PSTK: variants seen among roughly 807,000 people sequenced by gnomAD.
The protein encoded by PSTK is phosphoseryl-tRNA kinase, also known as L-seryl-tRNA(Sec) kinase.
Under a neutral mutation model 38.6 loss-of-function variants are expected in PSTK, and 26 were observed. That is an observed-to-expected ratio of 0.67 (90% CI 0.49 to 0.94). The LOEUF (loss-of-function observed/expected upper bound fraction) is 0.94, where lower values mean the gene tolerates loss of function less well. Ranked by LOEUF, PSTK falls within the 40% of genes least tolerant of loss-of-function variation. The pLI is 0.00. For missense variants in PSTK, 445 were observed against 436.3 expected, an observed-to-expected ratio of 1.02 and a Z score of -0.18; for synonymous variants, 181 against 161.7, an observed-to-expected ratio of 1.12 and a Z score of -0.91.
At chr10:122,981,176 ATAAG>A (rs1178113399) in intron 1 of PSTK, among the ~76,000 whole-genome samples, 1 of 152,230 alleles carries the variant, frequency 6.6e-6, no homozygotes, top group Non-Finnish European at 1.5e-5. Flanking sequence ...AATAAAAACT[ATAAG>A]TAACAAAATT....
At chr10:122,981,592 G>A (rs1269312804) in intron 1 of PSTK, among the ~76,000 whole-genome samples, 1 of 152,140 alleles carries the variant, frequency 6.6e-6, no homozygotes, top group Non-Finnish European at 1.5e-5. Context: ...GAAATCAAAT[G>A]CAAATGTTAT....
At chr10:122,986,398 A>C (rs756393290) in intron 4 of PSTK, 23 bp downstream of exon 4, 64 of 1,523,356 alleles carry the variant, frequency 4.2e-5, no homozygotes, top group Non-Finnish European at 5.2e-5. Context: ...TGTAAATTTA[A>C]TGTAAATGAG....
chr10:122,987,407 G>T, intron 5 of PSTK: 1 of 1,614,182 alleles, frequency 6.2e-7, no homozygotes, highest in Non-Finnish European at 8.5e-7. Context: ...CTATCTGGAG[G>T]ATCATTCTAG....
At position 122,986,950 on chromosome 10, in the gene PSTK, A is replaced by C. The variant is rs569209094; in HGVS notation, c.865A>C (p.Lys289Gln). 1.5e-5 allele frequency: 24 copies of C among 1,604,100 alleles called. No homozygotes were observed. The East Asian group carries it at 3.1e-4, about 21-fold the overall frequency. The stretch of plus-strand genomic sequence containing the variant: ...CCGAAGGATTGTATCTCAGACAATG[A>C]AGGAAGCAAAAGGTATGATGTGTCA... ...TLRRIVSQTM[K>Q]EAKDEQVLPH... The change falls in exon 5 of 6, where the codon AAG becomes CAG. Residue 289 changes from lysine to glutamine, a missense_variant. Transcript: ENST00000406217.
intron 3 of PSTK, 53 bp from the exon 4 acceptor site, chr10:122,986,247 A>T (rs1459711176): frequency 5.0e-5 from 55 of 1,091,310 alleles, no homozygotes; most frequent in Non-Finnish European, 6.5e-5. Context: ...AAAAAAAAAA[A>T]GTCAGATGTT....
At chr10:122,989,790 G>A (rs1849101075) in intron 5 of PSTK, among the ~76,000 whole-genome samples, 1 of 152,198 alleles carries the variant, frequency 6.6e-6, no homozygotes, top group South Asian at 2.1e-4. Context: ...AGAAAGTTAT[G>A]TTGGACAACT....
At chr10:122,981,193 T>C (rs1848955138) in intron 1 of PSTK, among the ~76,000 whole-genome samples, 1 of 152,230 alleles carries the variant, frequency 6.6e-6, no homozygotes, top group Non-Finnish European at 1.5e-5. Context: ...ACAAAATTTC[T>C]GGGGTCCCTC....
At chr10:122,981,446 A>G (rs1304885903) in intron 1 of PSTK, among the ~76,000 whole-genome samples, 1 of 152,198 alleles carries the variant, frequency 6.6e-6, no homozygotes, top group East Asian at 1.9e-4. Context: ...AGCATGTGGA[A>G]ACTGAGACCA....
Position 122,986,493 on chromosome 10 carries a change from T to C in PSTK, c.783+118T>C, listed in dbSNP as rs750814262. On this transcript the variant is annotated intron_variant, in intron 4 of 5. Transcript: ENST00000406217. ...GAGATGCGTTGTCATTGGCTTGGCC[T>C]CTCACCAGCACTCACTGCTGACAGC... 15 of 765,904 alleles carry C rather than the reference T, an allele frequency of 2.0e-5. 1 individual carries two copies. In the South Asian group the frequency reaches 2.3e-4, roughly 12 times the overall value. The allele number at this position is 765,904 out of a possible 1,614,324, so 47.4% of individuals were successfully genotyped here.
At chr10:122,987,352 C>G (rs1849048920) in intron 5 of PSTK, 1 of 1,613,916 alleles carries the variant, frequency 6.2e-7, no homozygotes, top group Non-Finnish European at 8.5e-7. Flanking sequence ...GAAGCCTTCT[C>G]AGAGATGACA....
At chr10:122,982,656 G>A in intron 1 of PSTK, 77 bp from the exon 2 acceptor site, 1 of 1,244,426 alleles carries the variant, frequency 8.0e-7, no homozygotes. Flanking sequence ...TTTCATATGG[G>A]GCAGGGTGGC....
chr10:122,982,438 C>CA, intron 1 of PSTK: 1 of 348,716 alleles, frequency 2.9e-6, no homozygotes, highest in Non-Finnish European at 5.3e-6. Context: ...ACTGTGTAAG[C>CA]ACTGCTAGAG....
At position 122,983,439 on chromosome 10, in the gene PSTK, A is replaced by G. The variant is rs1218633484; in HGVS notation, c.676A>G (p.Ile226Val). ...TGCTTGGGAACACAACAGCCTCACA[A>G]TTCCGAGTCCAGCATGTGCTTCGGA... ...KNAWEHNSLT[I>V]PSPACASEAS... is the part of the protein sequence containing the mutation. The change falls in exon 3 of 6, where the codon ATT becomes GTT. Residue 226 changes from isoleucine (I) to valine (V), a missense_variant. Physicochemically the swap from Ile to Val is conservative, Grantham distance 29 (BLOSUM62 3). Coordinates refer to ENST00000406217, the MANE Select transcript of PSTK (RefSeq NM_001363531.2). 1 of 1,613,722 alleles carries G rather than the reference A, an allele frequency of 6.2e-7. No homozygotes were observed. The highest frequency in any genetic ancestry group is 8.5e-7 in the Non-Finnish European group (1 of 1,180,008).
In PSTK at chr10:122,980,478, G is replaced by T. The variant is rs560457685; in HGVS notation, c.-2G>T. On this transcript the variant is annotated 5_prime_UTR_variant, in exon 1 of 6. Transcript: ENST00000406217. The surrounding 1 kb of genome is among the most constrained non-coding windows in gnomAD (Gnocchi z 4.3). ...CAGACTCCTCCGGTCTCCCCGGGCA[G>T]CATGAAGACCGCCGAGAACATCAGA... 34 of 1,596,048 alleles carry T rather than the reference G, an allele frequency of 2.1e-5. No homozygotes were observed. The African/African-American group carries it at 4.0e-4, about 19-fold the overall frequency.
chr10:122,980,744 G>T lies in PSTK; in HGVS notation c.216+49G>T, dbSNP rs1448963312. 1.5e-6 allele frequency: 2 copies of T among 1,293,114 alleles called. No homozygotes were observed. Among genetic ancestry groups the T allele is most frequent in the Non-Finnish European group, 2.0e-6 (2 of 1,022,808 alleles). 80.1% of individuals were successfully genotyped at this position (1,293,114 alleles called of 1,614,324 possible). ...GGGCCGCGGGGCGGGGCGGGGCGGG[G>T]CGGGGCGGGGCGGGGACACTCGCGT... On this transcript the variant is annotated intron_variant, in intron 1 of 5. Transcript: ENST00000406217. This position sits in a 1 kb window ranked among gnomAD's most constrained non-coding sequence, Gnocchi z 4.3.
chr10:122,982,618 C>G lies in PSTK; in HGVS notation c.217-115C>G, dbSNP rs1036862976. 1.5e-5 allele frequency: 12 copies of G among 790,164 alleles called. 1 individual carries two copies. Among genetic ancestry groups the G allele is most frequent in the Admixed American group, 7.3e-5 (3 of 41,160 alleles). The allele number at this position is 790,164 out of a possible 1,614,324, so 48.9% of individuals were successfully genotyped here. A position where few individuals can be genotyped will look rare whatever the true frequency, so the allele number is the denominator to read the frequency against. ...TGAAACCAGGTGTGTTAGAGAACTA[C>G]AGATGGTTCCGTATTGTGAGCTGAA... On this transcript the variant is annotated intron_variant, in intron 1 of 5. Transcript: ENST00000406217.
Position 122,983,401 on chromosome 10 carries a change from A to G in PSTK, c.638A>G (p.Asn213Ser), listed in dbSNP as rs147031037. The G allele has an allele frequency of 1.2e-6, 2 of 1,613,988 alleles. No homozygotes were observed. Among genetic ancestry groups the G allele is most frequent in the Admixed American group, 3.3e-5 (2 of 59,992 alleles). The stretch of plus-strand genomic sequence containing the variant: ...ATGGGAAGAAAGCTAGAAAAGCCCA[A>G]CCCTGAGAAAAATGCTTGGGAACAC... ...HLMGRKLEKP[N>S]PEKNAWEHNS... Residue 213 changes from asparagine to serine, a missense_variant, in exon 3 of 6, where the codon AAC becomes AGC. By Grantham distance (46) the Asn-to-Ser change is conservative. Coordinates refer to ENST00000406217, the MANE Select transcript of PSTK (RefSeq NM_001363531.2).
intron 5 of PSTK, among the ~76,000 whole-genome samples, chr10:122,989,504 G>A (rs571961908): frequency 2.6e-5 from 4 of 151,984 alleles, no homozygotes; most frequent in Non-Finnish European, 4.4e-5. Flanking sequence ...CGCCCACCTC[G>A]GCCACCCACA....
At position 122,982,833 on chromosome 10, in the gene PSTK, G is replaced by C. The variant is rs746407225; in HGVS notation, c.317G>C (p.Arg106Thr). The C allele has an allele frequency of 6.2e-7, 1 of 1,614,186 alleles. No homozygotes were observed. Among genetic ancestry groups the C allele is most frequent in the Non-Finnish European group, 8.5e-7 (1 of 1,179,990 alleles). ...NGCQMSVPPN[R>T]TEAMWEDFIT... Reference sequence around the variant, plus strand: ...TGTCAGATGTCTGTCCCACCCAACAGGACTGAAGCCATGTGGGAAGATTTT... The same window carrying C: ...TGTCAGATGTCTGTCCCACCCAACACGACTGAAGCCATGTGGGAAGATTTT... The change falls in exon 2 of 6, where the codon AGG (arginine) becomes ACG (threonine). Residue 106 changes from arginine to threonine, a missense_variant. Arg to Thr is a moderately conservative substitution (Grantham distance 71). Transcript: ENST00000406217.
Sources: allele counts gnomAD v4.1 joint callset (sites outside exome capture counted in the v4.1 genomes callset), GRCh38; gene constraint gnomAD v4.1.1; non-coding constraint Gnocchi (gnomAD v3.1); transcripts MANE v1.5; gene names NCBI Gene and HGNC (gene_info 2026-07-23, HGNC 2026-07-21).